The following SSH2 variants were observed in gnomAD, a reference collection of about 807,000 sequenced individuals.
The protein encoded by SSH2 is slingshot protein phosphatase 2, also known as protein phosphatase Slingshot homolog 2.
In SSH2, 37 loss-of-function variants were observed where a neutral mutation model predicts 135.2. That is an observed-to-expected ratio of 0.27 (90% CI 0.21 to 0.36). The LOEUF is 0.36. SSH2 is among the 10% of genes least tolerant of loss of function. SSH2 has a pLI of 1.00. For missense variants in SSH2, 1,408 were observed against 1,765.3 expected, an observed-to-expected ratio of 0.80 and a Z score of 3.63; for synonymous variants, 628 against 646.2, an observed-to-expected ratio of 0.97 and a Z score of 0.43.
At chr17:29,853,373 C>T (rs2151392668) in intron 1 of SSH2, among the ~76,000 whole-genome samples, 1 of 151,906 alleles carries the variant, frequency 6.6e-6, no homozygotes, top group East Asian at 1.9e-4. Context: ...GCATGAGCCA[C>T]CGCGCGCGGC....
intron 3 of SSH2, among the ~76,000 whole-genome samples, chr17:29,757,744 G>T: frequency 9.7e-6 from 1 of 103,448 alleles, no homozygotes; most frequent in Non-Finnish European, 1.9e-5. Context: ...AAAAAAAAAA[G>T]AGAGAGAGAG....
intron 3 of SSH2, among the ~76,000 whole-genome samples, chr17:29,791,776 G>A (rs2042069760): frequency 6.6e-6 from 1 of 152,100 alleles, no homozygotes. Flanking sequence ...TTTAATAGTT[G>A]CTACTAGGTT....
At chr17:29,848,160 G>A (rs1445470221) in intron 2 of SSH2, among the ~76,000 whole-genome samples, 1 of 152,094 alleles carries the variant, frequency 6.6e-6, no homozygotes, top group African/African-American at 2.4e-5. Context: ...CAATACTCAG[G>A]GGGAAGTTCA....
At chr17:29,790,873 C>T (rs2042053308) in intron 3 of SSH2, among the ~76,000 whole-genome samples, 1 of 150,936 alleles carries the variant, frequency 6.6e-6, no homozygotes, top group African/African-American at 2.4e-5. Context: ...GGATTACAGG[C>T]TCATGCCACC....
chr17:29,850,917 G>C (rs930713735), intron 1 of SSH2, among the ~76,000 whole-genome samples: 5 of 152,148 alleles, frequency 3.3e-5, no homozygotes, highest in African/African-American at 4.8e-5. Context: ...CCTGGGAGGT[G>C]GAGGTTGCAG....
intron 2 of SSH2, among the ~76,000 whole-genome samples, chr17:29,807,882 A>G (rs2042374985): frequency 1.4e-5 from 2 of 147,708 alleles, no homozygotes. Flanking sequence ...TGGAAAGCCA[A>G]TCGAGAAAAG....
At chr17:29,769,343 C>T (rs2041517562) in intron 3 of SSH2, among the ~76,000 whole-genome samples, 1 of 152,172 alleles carries the variant, frequency 6.6e-6, no homozygotes. Flanking sequence ...ACCTACCTGA[C>T]TGCATCTGGT....
intron 1 of SSH2, among the ~76,000 whole-genome samples, chr17:29,889,147 C>T (rs2066299330): frequency 6.6e-6 from 1 of 151,796 alleles, no homozygotes; most frequent in African/African-American, 2.4e-5. Context: ...AGAGAAAAAT[C>T]ATAAAACTGT....
At chr17:29,754,220 G>C (rs889679885) in intron 3 of SSH2, among the ~76,000 whole-genome samples, 1 of 152,138 alleles carries the variant, frequency 6.6e-6, no homozygotes, top group African/African-American at 2.4e-5. Context: ...CCACATCCTA[G>C]ACTTACAGAA....
chr17:29,707,030 T>G (rs1407253358), intron 3 of SSH2: 1 of 152,086 alleles, frequency 6.6e-6, no homozygotes, highest in Non-Finnish European at 1.5e-5. Flanking sequence ...GGCGGGCGCT[T>G]GTAGTCCCAG....
chr17:29,745,699 C>T (rs1252770482), intron 3 of SSH2, among the ~76,000 whole-genome samples: 1 of 152,162 alleles, frequency 6.6e-6, no homozygotes, highest in Non-Finnish European at 1.5e-5. Flanking sequence ...TACCATCATG[C>T]TAGTGTGCCA....
intron 3 of SSH2, among the ~76,000 whole-genome samples, chr17:29,726,847 T>G (rs1368539243): frequency 6.6e-6 from 1 of 152,190 alleles, no homozygotes; most frequent in East Asian, 1.9e-4. Flanking sequence ...CCATCTGCCT[T>G]TGCCCAAACT....
intron 4 of SSH2, among the ~76,000 whole-genome samples, chr17:29,696,620 TATACACACACACAC>T (rs1439212284): frequency 2.2e-5 from 3 of 136,012 alleles, no homozygotes; most frequent in African/African-American, 5.4e-5. Context: ...TACATATATA[TATACACACACACAC>T]ACACACACAC....
chr17:29,777,478 T>C (rs990927810), intron 3 of SSH2: 1 of 152,156 alleles, frequency 6.6e-6, no homozygotes, highest in Non-Finnish European at 1.5e-5. Context: ...AATACGAAAA[T>C]GTATGGTGCA....
chr17:29,694,116 T>C (rs2038615983), intron 5 of SSH2, among the ~76,000 whole-genome samples: 1 of 152,108 alleles, frequency 6.6e-6, no homozygotes, highest in Non-Finnish European at 1.5e-5. Flanking sequence ...TCATCAGCTA[T>C]CGTTAGTGTA....
At chr17:29,853,399 T>C (rs2065603357) in intron 1 of SSH2, among the ~76,000 whole-genome samples, 1 of 151,748 alleles carries the variant, frequency 6.6e-6, no homozygotes, top group Non-Finnish European at 1.5e-5. Flanking sequence ...TGGGCTTAAT[T>C]ATACATAGCA....
intron 2 of SSH2, among the ~76,000 whole-genome samples, chr17:29,825,347 A>G (rs1270781173): frequency 6.6e-6 from 1 of 152,212 alleles, no homozygotes; most frequent in Non-Finnish European, 1.5e-5. Context: ...GGAGAATCCA[A>G]TACAAAGATT....
rs1271759486 is a variant in SSH2 at position 29,695,528 on chromosome 17, T to C, written c.293-5A>G. Reference sequence around the variant, plus strand: ...GGAGATGCTGTTGGAGATCGCCTGGTGAAATTTACAAACCAAAGGATAATT... The same window carrying C: ...GGAGATGCTGTTGGAGATCGCCTGGCGAAATTTACAAACCAAAGGATAATT... On this transcript the variant is annotated splice_polypyrimidine_tract_variant and splice_region_variant and intron_variant, in intron 4 of 15. Transcript: ENST00000540801. 1 of 1,607,530 alleles carries C rather than the reference T, an allele frequency of 6.2e-7. No individual in the cohort carries two copies. Among genetic ancestry groups the C allele is most frequent in the Non-Finnish European group, 8.5e-7 (1 of 1,176,664 alleles).
intron 3 of SSH2, among the ~76,000 whole-genome samples, chr17:29,761,887 A>ATTTTTT (rs1157073718): frequency 2.1e-5 from 3 of 143,602 alleles, no homozygotes; most frequent in African/African-American, 8.0e-5. Context: ...ATATATATAT[A>ATTTTTT]TTTTTTTTTG....
Sources: gnomAD v4.1 joint callset for allele counts (sites outside exome capture counted in the v4.1 genomes callset) on GRCh38, gnomAD v4.1.1 for gene constraint, MANE v1.5 for transcripts, NCBI Gene and HGNC (gene_info 2026-07-23, HGNC 2026-07-21) for gene names.